The following TTC27 variants were observed in gnomAD, a reference collection of about 807,000 sequenced individuals.
TTC27 encodes tetratricopeptide repeat domain 27.
Under a neutral mutation model 115.9 loss-of-function variants are expected in TTC27, and 79 were observed. The observed-to-expected ratio is 0.68, with a 90% CI of 0.57 to 0.82. TTC27 has a LOEUF of 0.82. Among genes scored for constraint, TTC27 ranks in the 40% least tolerant of loss-of-function variants. TTC27 has a pLI of 0.00. For synonymous variants in TTC27, 401 were observed against 356.0 expected, an observed-to-expected ratio of 1.13 and a Z score of -1.42; for missense variants, 1,054 against 993.1, an observed-to-expected ratio of 1.06 and a Z score of -0.82.
intron 7 of TTC27, among the ~76,000 whole-genome samples, chr2:32,667,574 G>A (rs902750110): frequency 2.3e-4 from 34 of 150,810 alleles, no homozygotes; most frequent in African/African-American, 7.8e-4. Flanking sequence ...GCACCACCAC[G>A]CCCGGCTAAT....
chr2:32,760,180 G>T (rs958276319), intron 13 of TTC27, among the ~76,000 whole-genome samples: 4 of 152,190 alleles, frequency 2.6e-5, no homozygotes, highest in Non-Finnish European at 4.4e-5. Context: ...AACTCTGAAT[G>T]GTGAATATAA....
intron 9 of TTC27, among the ~76,000 whole-genome samples, chr2:32,700,954 C>G (rs981897416): frequency 6.6e-5 from 10 of 151,524 alleles, no homozygotes; most frequent in African/African-American, 2.2e-4. Context: ...CCATATGCAC[C>G]TATTATGTTG....
chr2:32,687,747 A>G (rs1666682252), intron 9 of TTC27, among the ~76,000 whole-genome samples: 1 of 152,218 alleles, frequency 6.6e-6, no homozygotes, highest in Non-Finnish European at 1.5e-5. Context: ...AATATTTATC[A>G]GGAAGACATA....
intron 1 of TTC27, among the ~76,000 whole-genome samples, chr2:32,628,769 A>G (rs2063533877): frequency 2.7e-5 from 4 of 146,288 alleles, no homozygotes; most frequent in Non-Finnish European, 4.4e-5. Flanking sequence ...TTATTTATTT[A>G]TTTATTTATT....
chr2:32,767,750 C>T lies in TTC27; in HGVS notation c.1680+9231C>T, dbSNP rs79489814. 1.8e-3 allele frequency among the ~76,000 whole-genome samples: 277 copies of T among 152,134 alleles called. 6 individuals carry two copies. The East Asian group carries it at 0.033, about 18-fold the overall frequency. On this transcript the variant is annotated intron_variant, in intron 13 of 19. Coordinates refer to ENST00000317907, the MANE Select transcript of TTC27 (RefSeq NM_017735.5). ...TGCTGGGATTACAGGCGTGAGCCACCGCGCCCGGCCATTATAAGTTTTAAT... is the reference window on the plus strand; with the variant it reads ...TGCTGGGATTACAGGCGTGAGCCACTGCGCCCGGCCATTATAAGTTTTAAT...
At chr2:32,703,693 G>A (rs1411804317) in intron 10 of TTC27, among the ~76,000 whole-genome samples, 1 of 152,152 alleles carries the variant, frequency 6.6e-6, no homozygotes, top group African/African-American at 2.4e-5. Context: ...CCTATCCAGT[G>A]AGTCAATAGC....
intron 5 of TTC27, among the ~76,000 whole-genome samples, chr2:32,652,274 G>A (rs2151870996): frequency 1.3e-5 from 2 of 152,264 alleles, no homozygotes. Flanking sequence ...AGGAGGCTGA[G>A]GCAGGAGAAT....
chr2:32,640,582 A>G (rs536290452), intron 4 of TTC27, among the ~76,000 whole-genome samples, 172 bp downstream of exon 4: 2 of 152,316 alleles, frequency 1.3e-5, no homozygotes, highest in African/African-American at 4.8e-5. Context: ...CCCTCATGAG[A>G]TTGATCTAGT....
At chr2:32,663,578 C>T (rs1174842831) in intron 5 of TTC27, among the ~76,000 whole-genome samples, 2 of 152,158 alleles carry the variant, frequency 1.3e-5, no homozygotes, top group Non-Finnish European at 2.9e-5. Context: ...GCCTTGATTT[C>T]GCTGGGAGCT....
intron 10 of TTC27, among the ~76,000 whole-genome samples, chr2:32,724,953 C>T (rs1366508750): frequency 6.6e-6 from 1 of 152,198 alleles, no homozygotes; most frequent in Non-Finnish European, 1.5e-5. Flanking sequence ...GAGCAAGTCA[C>T]ATCTTACGTG....
intron 9 of TTC27, among the ~76,000 whole-genome samples, chr2:32,687,338 A>G (rs1471174712): frequency 6.6e-6 from 1 of 152,262 alleles, no homozygotes; most frequent in Non-Finnish European, 1.5e-5. Context: ...CTAAAAATCC[A>G]GTAAGAAGTC....
chr2:32,794,584 G>T (rs1038883489), intron 16 of TTC27, among the ~76,000 whole-genome samples: 20 of 151,022 alleles, frequency 1.3e-4, no homozygotes, highest in Non-Finnish European at 4.4e-5. Context: ...TAAGAATAAA[G>T]ATTAGAATAG....
At chr2:32,743,098 TC>T (rs1399515522) in intron 12 of TTC27, among the ~76,000 whole-genome samples, 3 of 152,148 alleles carry the variant, frequency 2.0e-5, no homozygotes, top group Non-Finnish European at 4.4e-5. Context: ...CTTATTTTTT[TC>T]CCCTTCATTT....
intron 5 of TTC27, among the ~76,000 whole-genome samples, chr2:32,663,280 T>G (rs1357992239): frequency 6.6e-6 from 1 of 152,188 alleles, no homozygotes; most frequent in African/African-American, 2.4e-5. Flanking sequence ...AGTTTTGTGC[T>G]TGAAACCCAG....
At chr2:32,734,554 G>A (rs1056887591) in intron 11 of TTC27, among the ~76,000 whole-genome samples, 2 of 152,120 alleles carry the variant, frequency 1.3e-5, no homozygotes, top group African/African-American at 4.8e-5. Context: ...AGCTCCTAAT[G>A]GCACATGGTG....
chr2:32,724,083 T>G (rs1208165192), intron 10 of TTC27, among the ~76,000 whole-genome samples: 1 of 151,614 alleles, frequency 6.6e-6, no homozygotes, highest in East Asian at 1.9e-4. Flanking sequence ...ATTTGCAGAT[T>G]GTAAACAGGG....
At chr2:32,643,551 C>T (rs561777575) in intron 4 of TTC27, among the ~76,000 whole-genome samples, 1 of 152,004 alleles carries the variant, frequency 6.6e-6, no homozygotes, top group African/African-American at 2.4e-5. Flanking sequence ...AAGTGATCCA[C>T]CCACCTTGGC....
intron 7 of TTC27, among the ~76,000 whole-genome samples, chr2:32,669,278 C>G (rs1414408232): frequency 6.6e-6 from 1 of 152,146 alleles, no homozygotes; most frequent in Non-Finnish European, 1.5e-5. Context: ...TAGGCATGAG[C>G]CACTGCACCG....
At chr2:32,788,616 G>C (rs1038100766) in intron 16 of TTC27, among the ~76,000 whole-genome samples, 5 of 152,006 alleles carry the variant, frequency 3.3e-5, no homozygotes, top group Non-Finnish European at 5.9e-5. Flanking sequence ...GTTGTGAGTG[G>C]GATTTCCCCT....
Sources: gnomAD v4.1 joint callset for allele counts (sites outside exome capture counted in the v4.1 genomes callset) on GRCh38, gnomAD v4.1.1 for gene constraint, MANE v1.5 for transcripts, NCBI Gene and HGNC (gene_info 2026-07-23, HGNC 2026-07-21) for gene names.